LIPI: variants seen among roughly 807,000 people sequenced by gnomAD.
LIPI encodes lipase member I.
LIPI carries 59 observed loss-of-function variants against 50.6 expected under a neutral mutation model. The ratio of observed to expected loss-of-function variants is 1.16; its 90% CI spans 0.94 to 1.45. LIPI has a LOEUF of 1.45. Ranked by LOEUF, LIPI falls within the 40% of genes most tolerant of loss-of-function variation. LIPI has a pLI of 0.00. For synonymous variants in LIPI, 203 were observed against 178.2 expected (o/e 1.14, Z -1.11); for missense variants, 586 against 536.3 (o/e 1.09, Z -0.92).
At chr21:14,207,079 C>T in intron 1 of LIPI, 1 of 616,742 alleles carries the variant, frequency 1.6e-6, no homozygotes. Flanking sequence ...CCAGTTAAGA[C>T]ACAACACTGT....
chr21:14,197,042 C>CA (rs1460497951), intron 1 of LIPI, among the ~76,000 whole-genome samples: 1 of 150,694 alleles, frequency 6.6e-6, no homozygotes. Context: ...CACACACACA[C>CA]ACACACATAC....
At chr21:14,168,539 G>A (rs369720032) in intron 4 of LIPI, among the ~76,000 whole-genome samples, 1 of 152,204 alleles carries the variant, frequency 6.6e-6, no homozygotes, top group Non-Finnish European at 1.5e-5. Flanking sequence ...TACAAGCCAG[G>A]AGAGAGTGGG....
At chr21:14,210,745 C>A in intron 1 of LIPI, 55 bp downstream of exon 1, 1 of 685,752 alleles carries the variant, frequency 1.5e-6, no homozygotes, top group South Asian at 2.0e-5. Flanking sequence ...ATACAGACCA[C>A]ACTATTTTAT....
At chr21:14,176,044 G>C (rs1430539071) in intron 4 of LIPI, among the ~76,000 whole-genome samples, 3 of 151,972 alleles carry the variant, frequency 2.0e-5, no homozygotes, top group Non-Finnish European at 4.4e-5. Flanking sequence ...CGGGCCTGGT[G>C]GTGGGCGCCT....
chr21:14,126,036 A>T (rs2017051209), intron 9 of LIPI, among the ~76,000 whole-genome samples: 1 of 152,188 alleles, frequency 6.6e-6, no homozygotes, highest in Non-Finnish European at 1.5e-5. Context: ...CATTTAAAAA[A>T]AAAAGGCTGG....
chr21:14,177,300 C>G (rs1033236413), intron 4 of LIPI, among the ~76,000 whole-genome samples: 1 of 151,924 alleles, frequency 6.6e-6, no homozygotes, highest in Admixed American at 6.6e-5. Flanking sequence ...TTTTATCACC[C>G]TTCTACTTTC....
intron 6 of LIPI, 30 bp from the exon 7 acceptor site, chr21:14,163,553 T>C: frequency 9.4e-7 from 1 of 1,062,854 alleles, no homozygotes; most frequent in Non-Finnish European, 1.5e-6. Context: ...ACATTAGAAA[T>C]TGGATTTCCA....
chr21:14,196,765 G>T (rs2019876199), intron 1 of LIPI, among the ~76,000 whole-genome samples: 1 of 152,090 alleles, frequency 6.6e-6, no homozygotes, highest in South Asian at 2.1e-4. Flanking sequence ...GATCAAGGCT[G>T]CAGTGAGCCA....
At chr21:14,186,128 C>T (rs1600915870) in intron 2 of LIPI, 59 bp from the exon 3 acceptor site, 3 of 923,858 alleles carry the variant, frequency 3.2e-6, no homozygotes, top group East Asian at 4.8e-5. Context: ...ACAAATCATG[C>T]CCCCCTCATA....
intron 1 of LIPI, among the ~76,000 whole-genome samples, chr21:14,192,691 T>G (rs762211797): frequency 1.3e-5 from 2 of 152,132 alleles, no homozygotes; most frequent in South Asian, 4.1e-4. Flanking sequence ...CAGAAGGCAA[T>G]GGAAAGATAT....
At chr21:14,176,175 CAAAAA>C (rs35536134) in intron 4 of LIPI, among the ~76,000 whole-genome samples, 4 of 111,652 alleles carry the variant, frequency 3.6e-5, no homozygotes, top group Admixed American at 9.2e-5. Flanking sequence ...GACTCCGTCT[CAAAAA>C]AAAAAAAAAA....
intron 1 of LIPI, among the ~76,000 whole-genome samples, chr21:14,205,556 A>T (rs427098): frequency 6.6e-6 from 1 of 151,172 alleles, no homozygotes; most frequent in Non-Finnish European, 1.5e-5. Flanking sequence ...ACCTCCCCCC[A>T]CACACACATC....
At chr21:14,110,284 A>G (rs1556276) in intron 9 of LIPI, among the ~76,000 whole-genome samples, 32,178 of 151,560 alleles carry the variant, frequency 0.21, 4,011 homozygotes, top group African/African-American at 0.33. Flanking sequence ...ACATCTGTCC[A>G]TTTAATATTC....
At chr21:14,160,491 AC>A (rs2123129643) in intron 7 of LIPI, among the ~76,000 whole-genome samples, 1 of 151,366 alleles carries the variant, frequency 6.6e-6, no homozygotes, top group African/African-American at 2.4e-5. Flanking sequence ...TATAAAAAAA[AC>A]TAAATAGAAA....
intron 4 of LIPI, among the ~76,000 whole-genome samples, chr21:14,170,371 A>G (rs547904342): frequency 2.0e-5 from 3 of 152,326 alleles, no homozygotes; most frequent in Non-Finnish European, 4.4e-5. Context: ...TTATGAGGCC[A>G]GCATCATCCT....
At chr21:14,203,525 T>C (rs2020133065) in intron 1 of LIPI, among the ~76,000 whole-genome samples, 1 of 151,876 alleles carries the variant, frequency 6.6e-6, no homozygotes, top group Non-Finnish European at 1.5e-5. Context: ...TGAGTTCATG[T>C]CCTTTGTAGG....
chr21:14,188,553 G>A lies in LIPI; in HGVS notation c.432+481C>T, dbSNP rs555819329. ...ACTGTACTCCAGCTTGGGCAACAGA[G>A]TGAGAACCTGTCTCAAAAAAAAAAA... is the stretch of plus-strand genomic sequence containing the variant. On this transcript the variant is annotated intron_variant, in intron 2 of 9. Coordinates refer to ENST00000681601, the MANE Select transcript of LIPI (RefSeq NM_001302998.2). Among the ~76,000 whole-genome samples the A allele has an allele frequency of 5.1e-5, 6 of 117,220 alleles. No individual in the cohort carries two copies. The East Asian group carries it at 1.5e-3, about 29-fold the overall frequency. 76.9% of individuals were successfully genotyped at this position (117,220 alleles called of 152,430 possible). A position where few individuals can be genotyped will look rare whatever the true frequency, so the allele number is the denominator to read the frequency against.
At chr21:14,169,731 TG>T (rs201585842) in intron 4 of LIPI, among the ~76,000 whole-genome samples, 3,989 of 152,302 alleles carry the variant, frequency 0.026, 64 homozygotes, top group Admixed American at 0.032. Context: ...GAGGGAAATT[TG>T]TAGCACTAAA....
chr21:14,139,390 A>G (rs2017622757), intron 9 of LIPI, among the ~76,000 whole-genome samples: 1 of 152,174 alleles, frequency 6.6e-6, no homozygotes. Context: ...ATTGGGTTTA[A>G]GCATTTAAAA....
Sources: gnomAD v4.1 joint callset for allele counts (sites outside exome capture counted in the v4.1 genomes callset) on GRCh38, gnomAD v4.1.1 for gene constraint, MANE v1.5 for transcripts, NCBI Gene and HGNC (gene_info 2026-07-23, HGNC 2026-07-21) for gene names.